NRXN3: variants seen among roughly 807,000 people sequenced by gnomAD.
NRXN3 encodes neurexin III.
Under a neutral mutation model 137.6 loss-of-function variants are expected in NRXN3, and 32 were observed. The ratio of observed to expected loss-of-function variants is 0.23; its 90% confidence interval spans 0.18 to 0.31. The LOEUF (loss-of-function observed/expected upper bound fraction) is 0.31. NRXN3 is among the 10% of genes least tolerant of loss of function. The probability of loss-of-function intolerance (pLI) is 1.00; values close to 1 mark genes in which losing one functional copy is unlikely to be tolerated. For synonymous variants in NRXN3, 798 were observed against 784.5 expected, an observed-to-expected ratio of 1.02 and a Z score of -0.29; for missense variants, 1,574 against 2,062.5, an observed-to-expected ratio of 0.76 and a Z score of 4.59.
At chr14:78,515,786 A>G (rs186407641) in intron 4 of NRXN3, among the ~76,000 whole-genome samples, 2 of 152,222 alleles carry the variant, frequency 1.3e-5, no homozygotes, top group Non-Finnish European at 2.9e-5. Context: ...AGAAAAAGAT[A>G]GAATGTGACT....
chr14:79,474,873 CAAG>C (rs1191842203), intron 16 of NRXN3, among the ~76,000 whole-genome samples: 1 of 151,890 alleles, frequency 6.6e-6, no homozygotes, highest in Non-Finnish European at 1.5e-5. Context: ...AATAAAAGAG[CAAG>C]AAGAAGATGA....
chr14:78,854,317 A>C (rs1490747824), intron 10 of NRXN3, among the ~76,000 whole-genome samples: 5 of 152,180 alleles, frequency 3.3e-5, no homozygotes. Flanking sequence ...TTGGCGGGCT[A>C]GTGGTCACAT....
chr14:78,796,366 A>G (rs1378300302), intron 8 of NRXN3, among the ~76,000 whole-genome samples: 1 of 152,242 alleles, frequency 6.6e-6, no homozygotes, highest in African/African-American at 2.4e-5. Context: ...GTAATGGCAC[A>G]GAAATTCTGC....
intron 8 of NRXN3, among the ~76,000 whole-genome samples, chr14:78,799,965 C>A (rs577982700): frequency 4.6e-5 from 7 of 152,106 alleles, no homozygotes; most frequent in Non-Finnish European, 7.4e-5. Flanking sequence ...GGGGCGGGGA[C>A]ACAGCCAAAT....
At chr14:79,456,096 T>C (rs140989326) in intron 15 of NRXN3, among the ~76,000 whole-genome samples, 27 of 152,310 alleles carry the variant, frequency 1.8e-4, no homozygotes, top group African/African-American at 6.3e-4. Context: ...TATTTTAAGA[T>C]TGTATGTATA....
In NRXN3 at chr14:79,526,028, C is replaced by T. The variant is rs139917240; in HGVS notation, c.3444+58626C>T. Among the ~76,000 whole-genome samples, 896 of 152,202 alleles carry T rather than the reference C, an allele frequency of 5.9e-3. 6 individuals are homozygous for T. Among genetic ancestry groups the T allele is most frequent in the Non-Finnish European group, 7.0e-3 (476 of 67,998 alleles). ...TCCAGAGTAGTTAGGACCACAGGCACATGCCACCATACCCACCTAATTTTT... is the reference window on the plus strand; with the variant it reads ...TCCAGAGTAGTTAGGACCACAGGCATATGCCACCATACCCACCTAATTTTT... On this transcript the variant is annotated intron_variant, in intron 16 of 20. Transcript: ENST00000335750.
intron 15 of NRXN3, among the ~76,000 whole-genome samples, chr14:79,076,154 C>G (rs1384939098): frequency 1.3e-5 from 2 of 152,190 alleles, no homozygotes; most frequent in Non-Finnish European, 2.9e-5. Flanking sequence ...GTTGCCTAAT[C>G]TGTCACCTCA....
intron 16 of NRXN3, among the ~76,000 whole-genome samples, chr14:79,475,647 G>A (rs1460432557): frequency 6.6e-6 from 1 of 151,904 alleles, no homozygotes; most frequent in East Asian, 1.9e-4. Context: ...CACAACTCCT[G>A]GCATATAGTG....
At chr14:79,856,302 C>G (rs187403961) in intron 20 of NRXN3, among the ~76,000 whole-genome samples, 115 of 152,198 alleles carry the variant, frequency 7.6e-4, no homozygotes, top group Admixed American at 2.2e-3. Context: ...TGGTTACAAG[C>G]TTTATGATAT....
intron 20 of NRXN3, among the ~76,000 whole-genome samples, chr14:79,857,646 A>C (rs1445054525): frequency 6.6e-6 from 1 of 152,190 alleles, no homozygotes; most frequent in African/African-American, 2.4e-5. Flanking sequence ...CATGGAATTT[A>C]ATATTAAAAT....
intron 15 of NRXN3, among the ~76,000 whole-genome samples, chr14:79,245,674 G>T (rs947131069): frequency 6.6e-6 from 1 of 152,032 alleles, no homozygotes; most frequent in East Asian, 1.9e-4. Context: ...ATAAAATATT[G>T]TTGTTTCTGA....
intron 10 of NRXN3, among the ~76,000 whole-genome samples, chr14:78,929,758 G>A (rs2099316483): frequency 6.6e-6 from 1 of 152,064 alleles, no homozygotes; most frequent in African/African-American, 2.4e-5. Context: ...CAAATGCTAA[G>A]GAAATTTGTT....
intron 10 of NRXN3, among the ~76,000 whole-genome samples, chr14:78,952,835 T>C (rs2152952926): frequency 6.6e-6 from 1 of 152,322 alleles, no homozygotes; most frequent in South Asian, 2.1e-4. Flanking sequence ...GTGATTATGA[T>C]ACAGATCTCA....
chr14:79,725,586 C>A (rs1210206989), intron 19 of NRXN3, among the ~76,000 whole-genome samples: 1 of 152,074 alleles, frequency 6.6e-6, no homozygotes, highest in African/African-American at 2.4e-5. Flanking sequence ...TCCGCTCTAA[C>A]CTTAAACACT....
At chr14:78,262,389 AG>A (rs1309996921) in intron 2 of NRXN3, among the ~76,000 whole-genome samples, 1 of 152,150 alleles carries the variant, frequency 6.6e-6, no homozygotes, top group African/African-American at 2.4e-5. Flanking sequence ...TCCAGAATGC[AG>A]AATCTTGGAG....
intron 20 of NRXN3, among the ~76,000 whole-genome samples, chr14:79,821,007 A>G (rs578155859): frequency 6.6e-6 from 1 of 152,258 alleles, no homozygotes; most frequent in South Asian, 2.1e-4. Context: ...AAAGGAAGCA[A>G]ACAAAATGAA....
intron 4 of NRXN3, among the ~76,000 whole-genome samples, chr14:78,311,836 T>C (rs1010785667): frequency 1.4e-4 from 21 of 152,178 alleles, no homozygotes; most frequent in African/African-American, 5.1e-4. Context: ...TGGGTTACTT[T>C]TAAAAAATGC....
chr14:79,278,133 C>A (rs1257200195), intron 15 of NRXN3, among the ~76,000 whole-genome samples: 1 of 151,990 alleles, frequency 6.6e-6, no homozygotes, highest in African/African-American at 2.4e-5. Context: ...GCTATAAGCT[C>A]CTTTTAAAAA....
At chr14:79,489,080 A>G (rs2096685873) in intron 16 of NRXN3, among the ~76,000 whole-genome samples, 1 of 152,218 alleles carries the variant, frequency 6.6e-6, no homozygotes, top group Non-Finnish European at 1.5e-5. Flanking sequence ...GGCACATAGT[A>G]GCCTGTCATT....
Sources: allele counts gnomAD v4.1 joint callset (sites outside exome capture counted in the v4.1 genomes callset), GRCh38; gene constraint gnomAD v4.1.1; transcripts MANE v1.5; gene names NCBI Gene and HGNC (gene_info 2026-07-23, HGNC 2026-07-21).